Variants in ZNF33B observed in about 807,000 individuals in gnomAD.
ZNF33B encodes zinc finger protein 11b (KOX 2).
A neutral mutation model predicts 45.8 loss-of-function variants in ZNF33B; 29 were observed. The ratio of observed to expected loss-of-function variants is 0.63; its 90% CI spans 0.47 to 0.86. The LOEUF (loss-of-function observed/expected upper bound fraction) is 0.86, where lower values mean the gene tolerates loss of function less well. ZNF33B is among the 40% of genes least tolerant of loss of function. The pLI is 0.00. For synonymous variants in ZNF33B, 305 were observed against 307.8 expected (o/e 0.99, Z 0.10); for missense variants, 831 against 909.9 (o/e 0.91, Z 1.12).
chr10:42,574,597 A>T (rs1471702954), exon 2 of ZNF33B: 2 of 151,416 alleles, frequency 1.3e-5, no homozygotes, highest in Non-Finnish European at 2.9e-5. Context: ...CTTCTCTGAG[A>T]TGGAGGACAA....
rs1010591605 is a variant in ZNF33B at position 42,597,584 on chromosome 10, G to C, written c.251-2885C>G. Among the ~76,000 whole-genome samples, 14 of 151,884 alleles carry C rather than the reference G, an allele frequency of 9.2e-5. No individual in the cohort carries two copies. The East Asian group carries it at 1.4e-3, about 15-fold the overall frequency. On this transcript the variant is annotated intron_variant, in intron 4 of 4. Coordinates refer to ENST00000359467, the MANE Select transcript of ZNF33B (RefSeq NM_006955.3). ...TAATTGAAAGTAACATGTATTCTTG[G>C]CAAATGCAAGATAAGTAATTTTTGC...
chr10:42,609,108 T>C (rs1465952771), intron 4 of ZNF33B, among the ~76,000 whole-genome samples: 2 of 151,918 alleles, frequency 1.3e-5, no homozygotes, highest in Admixed American at 6.6e-5. Context: ...AAGATTGAAG[T>C]TGTAAATTTA....
chr10:42,592,887 G>A lies in ZNF33B; in HGVS notation c.2063C>T (p.Thr688Met), dbSNP rs751588162. 4.0e-5 allele frequency: 65 copies of A among 1,613,886 alleles called. No homozygotes were observed. The highest frequency in any genetic ancestry group is 1.6e-4 in the Middle Eastern group (1 of 6,084). Reference sequence around the variant, plus strand: ...ATTGCATTCATAGGGTTTCTCCCCCGTGTGCTTTCTCTCATGTAAAATAAG... The same window carrying A: ...ATTGCATTCATAGGGTTTCTCCCCCATGTGCTTTCTCTCATGTAAAATAAG... ...SGLILHERKH[T>M]GEKPYECNEC... Residue 688 changes from threonine to methionine, a missense_variant, in exon 5 of 5, where the codon ACG becomes ATG. By Grantham distance (81) the Thr-to-Met change is moderately conservative (BLOSUM62 -1). Transcript: ENST00000359467.
downstream of ZNF33B, among the ~76,000 whole-genome samples, chr10:42,588,050 AAC>A (rs1836972345): frequency 6.6e-6 from 1 of 151,560 alleles, no homozygotes; most frequent in African/African-American, 2.4e-5. Flanking sequence ...TGCAATAACA[AAC>A]AATAGTCTAT....
intron 2 of ZNF33B, 105 bp downstream of exon 2, chr10:42,636,815 G>A (rs1286741589): frequency 2.2e-5 from 33 of 1,518,750 alleles, no homozygotes; most frequent in African/African-American, 6.9e-5. Context: ...GCGACAGAGC[G>A]AGACTCCATG....
At chr10:42,601,908 CTTTTTTTTTT>C (rs34431290) in intron 4 of ZNF33B, among the ~76,000 whole-genome samples, 1 of 75,366 alleles carries the variant, frequency 1.3e-5, no homozygotes, top group Non-Finnish European at 2.5e-5. Flanking sequence ...ATGTGATATT[CTTTTTTTTTT>C]TTTTTTTTTT....
rs1837103578 is a variant in ZNF33B at position 42,591,118 on chromosome 10, C to G, written c.*1495G>C. 1.3e-5 allele frequency: 4 copies of G among 314,998 alleles called. No homozygotes were observed. In the South Asian group the frequency reaches 5.1e-4, roughly 40 times the overall value. The allele number at this position is 314,998 out of a possible 1,614,324, so 19.5% of individuals were successfully genotyped here. A position where few individuals can be genotyped will look rare whatever the true frequency, so the allele number is the denominator to read the frequency against. ...ATGCCAGCTTGATTCTGGCTCTTCTCCAGCCTCAACCCTCCTCTTCATATT... is the reference window on the plus strand; with the variant it reads ...ATGCCAGCTTGATTCTGGCTCTTCTGCAGCCTCAACCCTCCTCTTCATATT... On this transcript the variant is annotated 3_prime_UTR_variant, in exon 5 of 5. Coordinates refer to ENST00000359467, the MANE Select transcript of ZNF33B (RefSeq NM_006955.3).
At chr10:42,575,281 T>A (rs561970553) in intron 1 of ZNF33B, among the ~76,000 whole-genome samples, 4 of 152,016 alleles carry the variant, frequency 2.6e-5, no homozygotes, top group Non-Finnish European at 4.4e-5. Flanking sequence ...TTCACATGCA[T>A]GGACTGAGTT....
intron 2 of ZNF33B, 38 bp from the exon 3 acceptor site, chr10:42,632,477 T>G (rs770918440): frequency 6.2e-7 from 1 of 1,605,312 alleles, no homozygotes; most frequent in Non-Finnish European, 8.5e-7. Context: ...AAAAAAGAAG[T>G]ATGGGCTAAT....
intron 2 of ZNF33B, among the ~76,000 whole-genome samples, chr10:42,634,630 A>G (rs1417136682): frequency 6.6e-6 from 1 of 152,224 alleles, no homozygotes; most frequent in East Asian, 1.9e-4. Flanking sequence ...GTCCAAAAAA[A>G]CACACAGACA....
chr10:42,609,473 C>T (rs1490435341), intron 4 of ZNF33B, among the ~76,000 whole-genome samples: 2 of 152,014 alleles, frequency 1.3e-5, no homozygotes, highest in African/African-American at 4.8e-5. Context: ...AAAACAAAAC[C>T]CAGGTCCATA....
intron 4 of ZNF33B, among the ~76,000 whole-genome samples, chr10:42,596,978 C>A (rs1214587185): frequency 6.6e-6 from 1 of 151,186 alleles, no homozygotes; most frequent in Admixed American, 6.6e-5. Flanking sequence ...GAGTGTACAT[C>A]CTTGTCATGT....
rs750997782 is a variant in ZNF33B, at chr10:42,593,403, T to C, written c.1547A>G (p.Gln516Arg). 3.1e-6 allele frequency: 5 copies of C among 1,613,932 alleles called. No homozygotes were observed. The highest frequency in any genetic ancestry group is 1.1e-5 in the South Asian group (1 of 91,084). ...AGGTTTCAACCCTGTATGAATTATC[T>C]GATGCCTGGTGAGTACTGACTTGTG... ...FYHKSVLTRH[Q>R]IIHTGLKPYE... The change falls in exon 5 of 5, where the codon CAG becomes CGG. Residue 516 changes from glutamine (Q) to arginine (R), a missense_variant. Coordinates refer to ENST00000359467, the MANE Select transcript of ZNF33B (RefSeq NM_006955.3).
intron 4 of ZNF33B, among the ~76,000 whole-genome samples, chr10:42,602,597 A>C (rs146449112): frequency 0.013 from 1,969 of 152,288 alleles, 20 homozygotes; most frequent in Middle Eastern, 0.044. Context: ...GATGCACTTA[A>C]GTCACTTGGA....
chr10:42,607,327 C>T (rs1277966008), intron 4 of ZNF33B, among the ~76,000 whole-genome samples: 2 of 78,904 alleles, frequency 2.5e-5, no homozygotes, highest in Non-Finnish European at 5.7e-5. Flanking sequence ...ATTCATTTCA[C>T]GTTGTGTACA....
chr10:42,625,546 C>T (rs1838770641), intron 4 of ZNF33B, among the ~76,000 whole-genome samples: 1 of 152,084 alleles, frequency 6.6e-6, no homozygotes, highest in African/African-American at 2.4e-5. Flanking sequence ...ATGGTGTGAG[C>T]TCGGCTCATC....
intron 2 of ZNF33B, among the ~76,000 whole-genome samples, chr10:42,635,895 C>T (rs1839278771): frequency 6.6e-6 from 1 of 151,812 alleles, no homozygotes; most frequent in Non-Finnish European, 1.5e-5. Context: ...CTTTGGGAGG[C>T]CGAGGAGGGC....
chr10:42,634,437 G>C (rs1372532820), intron 2 of ZNF33B, among the ~76,000 whole-genome samples: 2 of 152,022 alleles, frequency 1.3e-5, no homozygotes, highest in Admixed American at 6.6e-5. Context: ...TTATATATAG[G>C]TTCAATTCAA....
rs753116255 is a variant in ZNF33B, at chr10:42,594,388, G to A, written c.562C>T (p.Arg188Ter). The change falls in exon 5 of 5, where the codon CGA becomes TGA. Residue 188 changes from arginine to a stop codon, truncating the protein, a stop_gained. Transcript: ENST00000359467. LOFTEE classifies it low-confidence loss of function (END_TRUNC). ...LNIKHDETHTREKNEVLKNRN... is the reference protein window; with the variant it reads ...LNIKHDETHT ...TTTTTCAAAACTTCATTTTTCTCTC[G>A]AGTATGAGTTTCATCATGCTTAATA... The A allele has an allele frequency of 1.1e-5, 18 of 1,613,540 alleles. No homozygotes were observed. Among genetic ancestry groups the A allele is most frequent in the South Asian group, 3.3e-5 (3 of 91,050 alleles).
Sources: allele counts gnomAD v4.1 joint callset (sites outside exome capture counted in the v4.1 genomes callset), GRCh38; gene constraint gnomAD v4.1.1; transcripts MANE v1.5; gene names NCBI Gene and HGNC (gene_info 2026-07-23, HGNC 2026-07-21).